The following NRXN3 variants were observed in gnomAD, a reference collection of about 807,000 sequenced individuals.
NRXN3 encodes neurexin III.
NRXN3 carries 32 observed loss-of-function variants against 137.6 expected under a neutral mutation model. The observed-to-expected ratio is 0.23, with a 90% confidence interval of 0.18 to 0.31. The LOEUF (loss-of-function observed/expected upper bound fraction) is 0.31, where lower values mean the gene tolerates loss of function less well. Ranked by LOEUF, NRXN3 falls within the 10% of genes least tolerant of loss-of-function variation. NRXN3 has a pLI of 1.00. For synonymous variants in NRXN3, 798 were observed against 784.5 expected, an observed-to-expected ratio of 1.02 and a Z score of -0.29; for missense variants, 1,574 against 2,062.5, an observed-to-expected ratio of 0.76 and a Z score of 4.59.
At chr14:78,239,389 A>G (rs531733262) in intron 1 of NRXN3, among the ~76,000 whole-genome samples, 1 of 152,344 alleles carries the variant, frequency 6.6e-6, no homozygotes, top group South Asian at 2.1e-4. Context: ...ATTGGAGCTC[A>G]ATAAACAGTT....
intron 19 of NRXN3, among the ~76,000 whole-genome samples, chr14:79,706,943 C>T (rs1212009635): frequency 1.3e-5 from 2 of 152,134 alleles, no homozygotes; most frequent in Non-Finnish European, 2.9e-5. Context: ...TCTTTATGCA[C>T]TCTTAACCTG....
intron 20 of NRXN3, among the ~76,000 whole-genome samples, chr14:79,856,106 C>T (rs1329012553): frequency 6.6e-6 from 1 of 152,098 alleles, no homozygotes; most frequent in Non-Finnish European, 1.5e-5. Context: ...TTCAGACAAA[C>T]CCTTTGCTGG....
At chr14:79,657,929 T>A (rs915683884) in intron 16 of NRXN3, among the ~76,000 whole-genome samples, 7 of 152,212 alleles carry the variant, frequency 4.6e-5, no homozygotes, top group South Asian at 4.1e-4. Flanking sequence ...CTAATTTTTT[T>A]AAAATCACAA....
At position 78,656,766 on chromosome 14, in the gene NRXN3, G is replaced by A. The variant is rs1322292083; in HGVS notation, c.1221+5440G>A. Among the ~76,000 whole-genome samples the A allele has an allele frequency of 9.2e-5, 14 of 152,208 alleles. No individual in the cohort carries two copies. In the South Asian group the frequency reaches 1.5e-3, roughly 16 times the overall value. On this transcript the variant is annotated intron_variant, in intron 6 of 20. Coordinates refer to ENST00000335750, the MANE Select transcript of NRXN3 (RefSeq NM_001330195.2). ...GGATAGAAATGGTGGTCCCTCGGCC[G>A]AGTGCGGTGGCTTACGCCTGTAATC...
In NRXN3 at chr14:78,533,471, G is replaced by A. The variant is rs566670928; in HGVS notation, c.758-111649G>A. Reference sequence around the variant, plus strand: ...TGTGTTACCTTCCTATTTCCTGTGGGGTAATAGTCCAATCTTCTGTATAAG... The same window carrying A: ...TGTGTTACCTTCCTATTTCCTGTGGAGTAATAGTCCAATCTTCTGTATAAG... On this transcript the variant is annotated intron_variant, in intron 4 of 20. Coordinates refer to ENST00000335750, the MANE Select transcript of NRXN3 (RefSeq NM_001330195.2). 2.0e-5 allele frequency among the ~76,000 whole-genome samples: 3 copies of A among 152,068 alleles called. No individual in the cohort carries two copies. In the South Asian group the frequency reaches 6.2e-4, roughly 32 times the overall value.
At chr14:78,666,949 T>C (rs1238346946) in intron 6 of NRXN3, among the ~76,000 whole-genome samples, 1 of 152,188 alleles carries the variant, frequency 6.6e-6, no homozygotes, top group African/African-American at 2.4e-5. Flanking sequence ...CAGAGTAGTC[T>C]TTTCCTATTA....
intron 15 of NRXN3, among the ~76,000 whole-genome samples, chr14:79,338,696 T>C (rs994867887): frequency 6.6e-6 from 1 of 152,186 alleles, no homozygotes; most frequent in Admixed American, 6.6e-5. Context: ...TCACATATTA[T>C]TAGAAATGTG....
intron 10 of NRXN3, among the ~76,000 whole-genome samples, chr14:78,831,951 A>G (rs556510167): frequency 6.6e-6 from 1 of 152,150 alleles, no homozygotes; most frequent in Non-Finnish European, 1.5e-5. Flanking sequence ...GTCTTGGTGT[A>G]CAAGAGTGGG....
chr14:79,443,704 T>C (rs7144418), intron 15 of NRXN3, among the ~76,000 whole-genome samples: 14,593 of 152,260 alleles, frequency 0.096, 790 homozygotes, highest in Middle Eastern at 0.14. Flanking sequence ...GAGGAATCTT[T>C]GGGGCAAGAA....
chr14:79,192,240 G>T (rs371856230), intron 15 of NRXN3, among the ~76,000 whole-genome samples: 1 of 152,120 alleles, frequency 6.6e-6, no homozygotes, highest in Admixed American at 6.5e-5. Flanking sequence ...CTAAGTCTTT[G>T]ATTCTTGTTC....
intron 16 of NRXN3, among the ~76,000 whole-genome samples, chr14:79,552,776 C>T (rs566969361): frequency 7.9e-5 from 12 of 152,144 alleles, no homozygotes; most frequent in East Asian, 5.8e-4. Context: ...GACAGAACTG[C>T]GCTTCAAACA....
Position 79,217,809 on chromosome 14 carries a change from C to T in NRXN3, c.3262+229668C>T, listed in dbSNP as rs138937290. Among the ~76,000 whole-genome samples, 254 of 152,272 alleles carry T rather than the reference C, an allele frequency of 1.7e-3. 1 individual carries two copies. The highest frequency in any genetic ancestry group is 5.7e-3 in the African/African-American group (238 of 41,552). ...AAGTTCCCTAGGTGATTGTAATGTG[C>T]AGCCAATCTTGAGAACCATTGCTTT... On this transcript the variant is annotated intron_variant, in intron 15 of 20. Transcript: ENST00000335750.
chr14:79,738,114 C>G lies in NRXN3; in HGVS notation c.4014+40177C>G, dbSNP rs138994590. On this transcript the variant is annotated intron_variant, in intron 19 of 20. Transcript: ENST00000335750. ...GCATGTCTTGAGAGAGTGCATTAGC[C>G]CACCTGCAGTAGGTTGAAAAATATC... is the stretch of plus-strand genomic sequence containing the variant. Among the ~76,000 whole-genome samples the G allele has an allele frequency of 3.2e-3, 480 of 152,142 alleles. 6 individuals are homozygous for G. Among genetic ancestry groups the G allele is most frequent in the African/African-American group, 0.011 (446 of 41,500 alleles).
intron 4 of NRXN3, among the ~76,000 whole-genome samples, chr14:78,300,470 C>T (rs1381093992): frequency 1.3e-5 from 2 of 152,218 alleles, no homozygotes; most frequent in East Asian, 1.9e-4. Flanking sequence ...TAAGCTTCCA[C>T]ATTGTATGTT....
chr14:79,843,307 T>A (rs182294765), intron 20 of NRXN3, among the ~76,000 whole-genome samples: 127 of 152,290 alleles, frequency 8.3e-4, no homozygotes, highest in African/African-American at 2.8e-3. Context: ...CTATATCTTT[T>A]AAAAAAATAC....
intron 8 of NRXN3, among the ~76,000 whole-genome samples, chr14:78,762,000 C>A (rs1425902142): frequency 6.6e-6 from 1 of 152,126 alleles, no homozygotes; most frequent in African/African-American, 2.4e-5. Context: ...GAAATTGAGG[C>A]TCAGATGGAT....
At position 78,526,167 on chromosome 14, in the gene NRXN3, C is replaced by T. The variant is rs999415344; in HGVS notation, c.758-118953C>T. ...CAGCTGAATTCCAGAGATGAGTTTGCAAAAGAGGAGTATCATATGGGATGT... is the reference window on the plus strand; with the variant it reads ...CAGCTGAATTCCAGAGATGAGTTTGTAAAAGAGGAGTATCATATGGGATGT... On this transcript the variant is annotated intron_variant, in intron 4 of 20. Coordinates refer to ENST00000335750, the MANE Select transcript of NRXN3 (RefSeq NM_001330195.2). 2.6e-5 allele frequency among the ~76,000 whole-genome samples: 4 copies of T among 152,148 alleles called. 1 individual carries two copies. The highest frequency in any genetic ancestry group is 5.9e-5 in the Non-Finnish European group (4 of 68,026).
At chr14:78,226,762 T>G (rs2064729896) in intron 1 of NRXN3, among the ~76,000 whole-genome samples, 1 of 152,214 alleles carries the variant, frequency 6.6e-6, no homozygotes, top group Non-Finnish European at 1.5e-5. Flanking sequence ...TTTGAAATTT[T>G]TTTTGCTGTT....
intron 10 of NRXN3, among the ~76,000 whole-genome samples, chr14:78,912,100 G>A (rs1285654466): frequency 2.0e-5 from 3 of 151,256 alleles, no homozygotes; most frequent in Admixed American, 2.0e-4. Flanking sequence ...TCCCCGGTGT[G>A]TGATGTTCCC....
Sources: gnomAD v4.1 joint callset for allele counts (sites outside exome capture counted in the v4.1 genomes callset) on GRCh38, gnomAD v4.1.1 for gene constraint, MANE v1.5 for transcripts, NCBI Gene and HGNC (gene_info 2026-07-23, HGNC 2026-07-21) for gene names.